The following SLBP variants were observed in gnomAD, a reference collection of about 807,000 sequenced individuals.
SLBP encodes stem-loop histone mRNA binding protein, also known as histone RNA hairpin-binding protein.
SLBP carries 29 observed loss-of-function variants against 39.2 expected under a neutral mutation model. The observed-to-expected ratio is 0.74, with a 90% CI of 0.55 to 1.01. The LOEUF (loss-of-function observed/expected upper bound fraction) is 1.01. Ranked by LOEUF, SLBP falls within the 50% of genes least tolerant of loss-of-function variation. The pLI, the probability that SLBP is intolerant of heterozygous loss-of-function variation, is 0.00. For synonymous variants in SLBP, 129 were observed against 118.7 expected, an observed-to-expected ratio of 1.09 and a Z score of -0.57; for missense variants, 390 against 350.2, an observed-to-expected ratio of 1.11 and a Z score of -0.91.
At chr4:1,697,057 C>T (rs1716134889) in intron 5 of SLBP, among the ~76,000 whole-genome samples, 2 of 148,544 alleles carry the variant, frequency 1.3e-5, no homozygotes, top group Middle Eastern at 3.5e-3. Flanking sequence ...ACTCCAGCGG[C>T]TGAGGCAGAA....
intron 6 of SLBP, among the ~76,000 whole-genome samples, chr4:1,695,218 G>C (rs1306962195): frequency 1.3e-5 from 2 of 152,092 alleles, no homozygotes; most frequent in Non-Finnish European, 2.9e-5. Context: ...TCACACTGGG[G>C]GAAAAAACCC....
rs543992609 is a variant in SLBP, at chr4:1,712,262, G to C, written c.-74C>G. The C allele has an allele frequency of 3.1e-6, 3 of 957,488 alleles. No homozygotes were observed. Among genetic ancestry groups the C allele is most frequent in the Non-Finnish European group, 4.2e-6 (3 of 714,422 alleles). The allele number at this position is 957,488 out of a possible 1,614,324, so 59.3% of individuals were successfully genotyped here. A position where few individuals can be genotyped will look rare whatever the true frequency, so the allele number is the denominator to read the frequency against. ...CGGCGCGGGCAGAGAGCGCAGAGTAGAGCAGGGCAGGGCCTGAGGCAGAAA... is the reference window on the plus strand; with the variant it reads ...CGGCGCGGGCAGAGAGCGCAGAGTACAGCAGGGCAGGGCCTGAGGCAGAAA... On this transcript the variant is annotated 5_prime_UTR_variant, in exon 1 of 8. Coordinates refer to ENST00000489418, the MANE Select transcript of SLBP (RefSeq NM_006527.4).
chr4:1,707,488 AT>A (rs1321022224), intron 2 of SLBP, among the ~76,000 whole-genome samples: 6 of 151,644 alleles, frequency 4.0e-5, no homozygotes, highest in African/African-American at 1.2e-4. Flanking sequence ...TCTAAAAAAA[AT>A]AATAATTAAA....
chr4:1,709,410 A>G (rs1716646616), intron 2 of SLBP, among the ~76,000 whole-genome samples: 1 of 152,194 alleles, frequency 6.6e-6, no homozygotes, highest in Non-Finnish European at 1.5e-5. Flanking sequence ...TCTTATCTGT[A>G]AACAGTGTTC....
chr4:1,694,513 T>G (rs1455984497), intron 7 of SLBP, among the ~76,000 whole-genome samples: 1 of 151,952 alleles, frequency 6.6e-6, no homozygotes, highest in Non-Finnish European at 1.5e-5. Flanking sequence ...CACCTCAGCC[T>G]CCTGAGTAGC....
intron 2 of SLBP, among the ~76,000 whole-genome samples, chr4:1,706,683 G>A (rs1256517669): frequency 6.6e-6 from 1 of 151,850 alleles, no homozygotes; most frequent in African/African-American, 2.4e-5. Context: ...GCGCGTGTCT[G>A]TAATCCCAGC....
At chr4:1,706,918 A>C (rs1369221858) in intron 2 of SLBP, among the ~76,000 whole-genome samples, 1 of 149,698 alleles carries the variant, frequency 6.7e-6, no homozygotes, top group Non-Finnish European at 1.5e-5. Context: ...AGATCACCTG[A>C]GGTCAAGAGT....
intron 2 of SLBP, among the ~76,000 whole-genome samples, chr4:1,706,398 C>G (rs1456561207): frequency 2.0e-5 from 3 of 152,194 alleles, no homozygotes; most frequent in Non-Finnish European, 4.4e-5. Context: ...GAGTATATGT[C>G]AGAGTCCTTG....
intron 2 of SLBP, among the ~76,000 whole-genome samples, chr4:1,708,294 AC>A (rs1300220346): frequency 6.6e-6 from 1 of 152,114 alleles, no homozygotes; most frequent in Non-Finnish European, 1.5e-5. Flanking sequence ...CAAATAAGCA[AC>A]CTATTTTAGC....
rs141520754 is a variant in SLBP, at chr4:1,693,062, C to T, written c.*535G>A. 6.4e-6 allele frequency: 1 copy of T among 155,394 alleles called. No individual in the cohort carries two copies. Among genetic ancestry groups the T allele is most frequent in the African/African-American group, 2.4e-5 (1 of 41,590 alleles). 9.6% of individuals were successfully genotyped at this position (155,394 alleles called of 1,614,324 possible). A position where few individuals can be genotyped will look rare whatever the true frequency, so the allele number is the denominator to read the frequency against. On this transcript the variant is annotated 3_prime_UTR_variant, in exon 8 of 8. Transcript: ENST00000489418. ...TACCAAATTAAGACCATATAACTTA[C>T]ATAAAACTCATTAGTTTAATAGCTC...
In SLBP at chr4:1,699,645, C is replaced by G. The variant is rs1231531912; in HGVS notation, c.398G>C (p.Ser133Thr). The G allele has an allele frequency of 1.1e-5, 18 of 1,613,466 alleles. No homozygotes were observed. Among genetic ancestry groups the G allele is most frequent in the African/African-American group, 1.3e-5 (1 of 74,920 alleles). The part of the protein sequence containing the change: ...TVPADFETDE[S>T]VLMRRQKQIN... ...CTGCTTCTGTCTCCTCATTAGGACA[C>G]TTTCATCTGTCTCAAAGTCAGCCGG... The change falls in exon 5 of 8, where the codon AGT (serine) becomes ACT (threonine). Residue 133 changes from serine (S) to threonine (T), a missense_variant. Ser to Thr is a moderately conservative substitution (Grantham distance 58). Coordinates refer to ENST00000489418, the MANE Select transcript of SLBP (RefSeq NM_006527.4).
chr4:1,706,766 T>C (rs947525188), intron 2 of SLBP, among the ~76,000 whole-genome samples: 1 of 151,138 alleles, frequency 6.6e-6, no homozygotes, highest in Non-Finnish European at 1.5e-5. Context: ...CCAGGCGGAG[T>C]TGCAGTGAGC....
rs546003512 is a variant in SLBP, at chr4:1,693,240, A to C, written c.*357T>G. 3.3e-4 allele frequency: 63 copies of C among 192,966 alleles called. No homozygotes were observed. Among genetic ancestry groups the C allele is most frequent in the Non-Finnish European group, 6.1e-4 (56 of 92,214 alleles). 12.0% of individuals were successfully genotyped at this position (192,966 alleles called of 1,614,324 possible). The stretch of plus-strand genomic sequence containing the variant: ...ATTGGTCCCATGGATTACATGGTTA[A>C]ATCCAAAACAGTCCACCTGACAAGC... On this transcript the variant is annotated 3_prime_UTR_variant, in exon 8 of 8. Transcript: ENST00000489418.
In SLBP at chr4:1,712,125, C is replaced by G. The variant is rs887812688; in HGVS notation, c.59+5G>C. The G allele has an allele frequency of 8.1e-7, 1 of 1,228,706 alleles. No individual in the cohort carries two copies. The highest frequency in any genetic ancestry group is 3.2e-5 in the East Asian group (1 of 30,788). The allele number at this position is 1,228,706 out of a possible 1,614,324, so 76.1% of individuals were successfully genotyped here. On this transcript the variant is annotated splice_donor_5th_base_variant and intron_variant, in intron 1 of 7. Coordinates refer to ENST00000489418, the MANE Select transcript of SLBP (RefSeq NM_006527.4). ...TCCCTCGCCCGCCGCGCAGCCCGGC[C>G]TCACCTGGCGTCACCGTCGCAGCGG...
At chr4:1,696,500 TG>T in intron 5 of SLBP, 149 bp from the exon 6 acceptor site, 2 of 620,464 alleles carry the variant, frequency 3.2e-6, no homozygotes, top group Middle Eastern at 7.4e-4. Flanking sequence ...CCTAGCATTT[TG>T]GGAGGTCATG....
chr4:1,701,357 G>A (rs933644528), intron 3 of SLBP, among the ~76,000 whole-genome samples: 1 of 151,964 alleles, frequency 6.6e-6, no homozygotes, highest in African/African-American at 2.4e-5. Flanking sequence ...ATGTTCGTCA[G>A]GCTGGTCTCG....
intron 2 of SLBP, among the ~76,000 whole-genome samples, chr4:1,706,990 C>T (rs1472007705): frequency 2.0e-5 from 3 of 150,684 alleles, no homozygotes; most frequent in Admixed American, 6.6e-5. Flanking sequence ...GAGGCCGAGG[C>T]GGGTGGATCA....
intron 3 of SLBP, among the ~76,000 whole-genome samples, chr4:1,702,561 AATT>A (rs1716365789): frequency 1.3e-5 from 2 of 152,170 alleles, no homozygotes; most frequent in Admixed American, 6.5e-5. Context: ...TACTTCAACC[AATT>A]ATGAGCCACA....
At position 1,700,028 on chromosome 4, in the gene SLBP, T is replaced by C. The variant is rs1402699138; in HGVS notation, c.324A>G (p.Arg108=). 9.4e-6 allele frequency: 15 copies of C among 1,599,538 alleles called. No individual in the cohort carries two copies. The East Asian group carries it at 3.3e-4, about 36-fold the overall frequency. The change falls in exon 4 of 8, where the codon AGA becomes AGG. Residue 108 remains arginine (R), a synonymous_variant. Coordinates refer to ENST00000489418, the MANE Select transcript of SLBP (RefSeq NM_006527.4). ...KLLINDFGRE[R]KSSSGSSDSK... The stretch of plus-strand genomic sequence containing the variant: ...GCCTTTACCTTCCTGATGATGATTT[T>C]CTCTCTCTTCCAAAGTCATTGATGA...
Sources: allele counts gnomAD v4.1 joint callset (sites outside exome capture counted in the v4.1 genomes callset), GRCh38; gene constraint gnomAD v4.1.1; transcripts MANE v1.5; gene names NCBI Gene and HGNC (gene_info 2026-07-23, HGNC 2026-07-21).